TUT4: variants seen among roughly 807,000 people sequenced by gnomAD.
The protein encoded by TUT4 is terminal uridylyltransferase 4.
Under a neutral mutation model 192.2 loss-of-function variants are expected in TUT4, and 36 were observed. The observed-to-expected ratio is 0.19, with a 90% CI of 0.14 to 0.25. The LOEUF is 0.25. TUT4 is among the 10% of genes least tolerant of loss of function. The pLI is 1.00. For synonymous variants in TUT4, 618 were observed against 666.0 expected, an observed-to-expected ratio of 0.93 and a Z score of 1.11; for missense variants, 1,493 against 1,957.2, an observed-to-expected ratio of 0.76 and a Z score of 4.47.
chr1:52,462,957 C>T, intron 16 of TUT4: 1 of 985,356 alleles, frequency 1.0e-6, no homozygotes, highest in Non-Finnish European at 1.2e-6. Context: ...TACATGAGAG[C>T]AGGAGCCATT....
chr1:52,478,838 C>A (rs571395143), intron 11 of TUT4, among the ~76,000 whole-genome samples: 2 of 152,238 alleles, frequency 1.3e-5, no homozygotes, highest in Non-Finnish European at 2.9e-5. Context: ...TCATTGAGTG[C>A]CTACTTTGTG....
At chr1:52,488,486 A>G (rs1005755724) in intron 9 of TUT4, among the ~76,000 whole-genome samples, 4 of 152,218 alleles carry the variant, frequency 2.6e-5, no homozygotes, top group African/African-American at 9.6e-5. Flanking sequence ...AAATTGGTAC[A>G]TGTTATCAAT....
intron 23 of TUT4, 34 bp from the exon 24 acceptor site, chr1:52,445,903 G>C: frequency 6.3e-7 from 1 of 1,598,442 alleles, no homozygotes; most frequent in South Asian, 1.1e-5. Context: ...TAAAGATGCA[G>C]ACATTAATGT....
chr1:52,452,886 G>A (rs1659840593), intron 20 of TUT4, among the ~76,000 whole-genome samples: 3 of 152,134 alleles, frequency 2.0e-5, no homozygotes, highest in Admixed American at 2.0e-4. Context: ...ACTTGCAACT[G>A]GTGTCTAAAC....
At chr1:52,471,367 C>G (rs940873323) in intron 14 of TUT4, among the ~76,000 whole-genome samples, 1 of 152,180 alleles carries the variant, frequency 6.6e-6, no homozygotes, top group African/African-American at 2.4e-5. Context: ...GCTCAAGGTT[C>G]ATCTCAAATA....
chr1:52,503,340 A>C (rs1443855726), intron 4 of TUT4, among the ~76,000 whole-genome samples: 1 of 152,200 alleles, frequency 6.6e-6, no homozygotes, highest in Non-Finnish European at 1.5e-5. Flanking sequence ...TAAATTAAAA[A>C]ATTAAAACTG....
intron 4 of TUT4, among the ~76,000 whole-genome samples, chr1:52,501,520 A>G (rs1674071363): frequency 6.6e-6 from 1 of 152,222 alleles, no homozygotes; most frequent in Admixed American, 6.5e-5. Flanking sequence ...AAAGATGTAC[A>G]ATGATGTCAC....
chr1:52,489,631 G>A lies in TUT4; in HGVS notation c.1389-596C>T, dbSNP rs143433653. On this transcript the variant is annotated intron_variant, in intron 8 of 29. Transcript: ENST00000257177. ...TTAAATGGGATGACAGAAGTGTAGT[G>A]AAGATATTTTGAAAGCAGGGAGAAG... is the stretch of plus-strand genomic sequence containing the variant. 3.0e-4 allele frequency among the ~76,000 whole-genome samples: 46 copies of A among 152,276 alleles called. No individual in the cohort carries two copies. In the East Asian group the frequency reaches 6.4e-3, roughly 21 times the overall value.
chr1:52,514,098 A>G (rs1466194171), intron 3 of TUT4, among the ~76,000 whole-genome samples: 1 of 152,186 alleles, frequency 6.6e-6, no homozygotes, highest in Non-Finnish European at 1.5e-5. Context: ...GATGTCATCC[A>G]GAAATTTACT....
intron 28 of TUT4, among the ~76,000 whole-genome samples, chr1:52,428,057 C>T (rs1398700127): frequency 2.6e-5 from 4 of 152,084 alleles, no homozygotes; most frequent in Non-Finnish European, 5.9e-5. Context: ...GGAAATTCTA[C>T]AGTGCCTTAT....
intron 15 of TUT4, among the ~76,000 whole-genome samples, chr1:52,467,739 C>T (rs1664616229): frequency 6.6e-6 from 1 of 152,152 alleles, no homozygotes; most frequent in Non-Finnish European, 1.5e-5. Context: ...TACAATCTAC[C>T]TCTAATACTC....
chr1:52,512,440 T>C (rs1677436528), intron 3 of TUT4, among the ~76,000 whole-genome samples: 1 of 152,206 alleles, frequency 6.6e-6, no homozygotes, highest in Non-Finnish European at 1.5e-5. Flanking sequence ...AAATAATTTA[T>C]CCAAGGTTAT....
chr1:52,507,607 T>C (rs572220429), intron 4 of TUT4, among the ~76,000 whole-genome samples: 42 of 152,322 alleles, frequency 2.8e-4, no homozygotes, highest in Admixed American at 2.4e-3. Context: ...AGTTTCCCTA[T>C]ACGGGCTGAG....
intron 4 of TUT4, among the ~76,000 whole-genome samples, chr1:52,498,357 C>T (rs1673008509): frequency 6.6e-6 from 1 of 151,316 alleles, no homozygotes; most frequent in Non-Finnish European, 1.5e-5. Flanking sequence ...CATTCTCCTG[C>T]CTCAGCCTTC....
At chr1:52,429,500 T>C (rs1388396481) in intron 28 of TUT4, among the ~76,000 whole-genome samples, 10 of 151,764 alleles carry the variant, frequency 6.6e-5, no homozygotes, top group Middle Eastern at 3.4e-3. Context: ...GTATGCTAGA[T>C]TGGCCTGTGA....
At chr1:52,487,061 G>A (rs1409464653) in intron 9 of TUT4, among the ~76,000 whole-genome samples, 1 of 152,138 alleles carries the variant, frequency 6.6e-6, no homozygotes, top group African/African-American at 2.4e-5. Flanking sequence ...CGAGCCTGAA[G>A]TATATTCTCA....
intron 14 of TUT4, among the ~76,000 whole-genome samples, chr1:52,469,173 T>G (rs1345806516): frequency 6.6e-6 from 1 of 152,176 alleles, no homozygotes; most frequent in Non-Finnish European, 1.5e-5. Context: ...GAGTGAGCCT[T>G]AATGTATGCA....
chr1:52,505,075 A>G (rs777305747), intron 4 of TUT4, among the ~76,000 whole-genome samples: 1 of 152,184 alleles, frequency 6.6e-6, no homozygotes, highest in Non-Finnish European at 1.5e-5. Context: ...CCTGCTTTCA[A>G]TTCTTTCAAG....
At chr1:52,466,895 G>A (rs1434628134) in intron 15 of TUT4, among the ~76,000 whole-genome samples, 1 of 151,892 alleles carries the variant, frequency 6.6e-6, no homozygotes, top group African/African-American at 2.4e-5. Context: ...TCGAACTCCT[G>A]ACCTCAGGTG....
Sources: gnomAD v4.1 joint callset for allele counts (sites outside exome capture counted in the v4.1 genomes callset) on GRCh38, gnomAD v4.1.1 for gene constraint, MANE v1.5 for transcripts, NCBI Gene and HGNC (gene_info 2026-07-23, HGNC 2026-07-21) for gene names.